The following KDM5A variants were observed in gnomAD, a reference collection of about 807,000 sequenced individuals.
The protein encoded by KDM5A is lysine demethylase 5A.
KDM5A carries 42 observed loss-of-function variants against 193.5 expected under a neutral mutation model. The observed-to-expected ratio is 0.22, with a 90% CI of 0.17 to 0.28. The LOEUF (loss-of-function observed/expected upper bound fraction) is 0.28, where lower values mean the gene tolerates loss of function less well. Among genes scored for constraint, KDM5A ranks in the 10% least tolerant of loss-of-function variants. The probability of loss-of-function intolerance (pLI) is 1.00; values close to 1 mark genes in which losing one functional copy is unlikely to be tolerated. For missense variants in KDM5A, 1,692 were observed against 2,055.1 expected (o/e 0.82, Z 3.42); for synonymous variants, 796 against 718.1 (o/e 1.11, Z -1.73).
chr12:327,842 A>C (rs555486814), intron 14 of KDM5A, among the ~76,000 whole-genome samples: 1 of 152,238 alleles, frequency 6.6e-6, no homozygotes, highest in Non-Finnish European at 1.5e-5. Context: ...GCAAGGCTCC[A>C]CCACTACGAA....
chr12:329,853 G>A (rs1943840031), intron 13 of KDM5A, among the ~76,000 whole-genome samples: 2 of 151,962 alleles, frequency 1.3e-5, no homozygotes, highest in South Asian at 4.1e-4. Context: ...TCAGGCAGAA[G>A]AACTTGGATA....
intron 1 of KDM5A, among the ~76,000 whole-genome samples, chr12:387,885 A>G (rs1356747365): frequency 6.6e-6 from 1 of 152,238 alleles, no homozygotes; most frequent in Non-Finnish European, 1.5e-5. Flanking sequence ...TTTAAAAAGC[A>G]ACACTGGTTA....
rs988512007 is a variant in KDM5A, at chr12:296,950, C to G, written c.4234+91G>C. On this transcript the variant is annotated intron_variant, in intron 25 of 27. Coordinates refer to ENST00000399788, the MANE Select transcript of KDM5A (RefSeq NM_001042603.3). ...TTTCATGGCCAACCATTGTACTCCA[C>G]TCGAAATGGAGTCACAGTCTTGATT... is the stretch of plus-strand genomic sequence containing the variant. 2.3e-6 allele frequency: 3 copies of G among 1,332,996 alleles called. No individual in the cohort carries two copies. The African/African-American group carries it at 4.3e-5, about 19-fold the overall frequency. The allele number at this position is 1,332,996 out of a possible 1,614,324, so 82.6% of individuals were successfully genotyped here. A position where few individuals can be genotyped will look rare whatever the true frequency, so the allele number is the denominator to read the frequency against.
intron 7 of KDM5A, 115 bp downstream of exon 7, chr12:355,043 A>G (rs1944214125): frequency 4.0e-6 from 3 of 744,632 alleles, no homozygotes. Flanking sequence ...ATGTGCCATC[A>G]AGTCTTCTAA....
At chr12:314,898 A>G (rs1943631869) in intron 19 of KDM5A, among the ~76,000 whole-genome samples, 1 of 152,254 alleles carries the variant, frequency 6.6e-6, no homozygotes, top group Admixed American at 6.5e-5. Flanking sequence ...CTAGATATAT[A>G]ATTAAGCAAG....
chr12:308,068 C>A, intron 22 of KDM5A, 63 bp from the exon 23 acceptor site: 1 of 1,522,690 alleles, frequency 6.6e-7, no homozygotes, highest in Non-Finnish European at 9.1e-7. Context: ...AATACCAAAT[C>A]CTCAAGGCTG....
At chr12:367,254 T>TA (rs957441024) in intron 3 of KDM5A, among the ~76,000 whole-genome samples, 3 of 151,360 alleles carry the variant, frequency 2.0e-5, no homozygotes, top group Admixed American at 6.6e-5. Flanking sequence ...TCTTACTACA[T>TA]AAAAAAAAAG....
rs147788686 is a variant in KDM5A at position 375,611 on chromosome 12, C to T, written c.366+8420G>A. ...TTCTCTGTCCAGCTTTGTTCCGTTGCTGGCGAGAAGCTGTGTTCCTTTGGC... is the reference window on the plus strand; with the variant it reads ...TTCTCTGTCCAGCTTTGTTCCGTTGTTGGCGAGAAGCTGTGTTCCTTTGGC... On this transcript the variant is annotated intron_variant, in intron 3 of 27. Coordinates refer to ENST00000399788, the MANE Select transcript of KDM5A (RefSeq NM_001042603.3). Among the ~76,000 whole-genome samples the T allele has an allele frequency of 8.9e-3, 1,351 of 152,354 alleles. 14 individuals are homozygous for T. Among genetic ancestry groups the T allele is most frequent in the African/African-American group, 0.031 (1,297 of 41,578 alleles).
In KDM5A at chr12:355,241, T is replaced by C. The variant is rs2137456555; in HGVS notation, c.787A>G (p.Thr263Ala). The change falls in exon 7 of 28, where the codon ACC becomes GCC. Residue 263 changes from threonine (T) to alanine (A), a missense_variant. This residue lies in a region of KDM5A where 134 missense variants were observed against 124.2 expected (regional missense o/e 1.08). Transcript: ENST00000399788. ...MGTKDKEDEVTRRRKVTNRSD... is the reference protein window; with the variant it reads ...MGTKDKEDEVARRRKVTNRSD... ...CTGTTGGTAACTTTTCGTCTTCGGGTGACCTCATCTTGAAATAAAAAGTTA... is the reference window on the plus strand; with the variant it reads ...CTGTTGGTAACTTTTCGTCTTCGGGCGACCTCATCTTGAAATAAAAAGTTA... 1 of 1,603,624 alleles carries C rather than the reference T, an allele frequency of 6.2e-7. No homozygotes were observed. Among genetic ancestry groups the C allele is most frequent in the Non-Finnish European group, 8.5e-7 (1 of 1,170,396 alleles).
chr12:370,714 C>T (rs1944417171), intron 3 of KDM5A, among the ~76,000 whole-genome samples: 1 of 152,138 alleles, frequency 6.6e-6, no homozygotes, highest in Non-Finnish European at 1.5e-5. Flanking sequence ...GTGCTGCACA[C>T]ATTAACTAAT....
At position 339,048 on chromosome 12, in the gene KDM5A, C is replaced by T. The variant is rs376600532; in HGVS notation, c.1309-4626G>A. On this transcript the variant is annotated intron_variant, in intron 10 of 27. Coordinates refer to ENST00000399788, the MANE Select transcript of KDM5A (RefSeq NM_001042603.3). ...ACATAAGTAGCCGGGCGTGGTGGTG[C>T]GTGCCTGTAATCCCAGCTACTCGGG... Among the ~76,000 whole-genome samples, 64 of 151,906 alleles carry T rather than the reference C, an allele frequency of 4.2e-4. No individual in the cohort carries two copies. The East Asian group carries it at 6.2e-3, about 15-fold the overall frequency.
chr12:346,206 G>T (rs577693330), intron 10 of KDM5A, among the ~76,000 whole-genome samples: 6 of 152,138 alleles, frequency 3.9e-5, no homozygotes, highest in Non-Finnish European at 7.3e-5. Context: ...ACTCTCCCAA[G>T]ACTAAACCAG....
chr12:338,551 C>T (rs1408928640), intron 10 of KDM5A, among the ~76,000 whole-genome samples: 6 of 152,152 alleles, frequency 3.9e-5, no homozygotes, highest in African/African-American at 1.2e-4. Flanking sequence ...AATTATTTCA[C>T]TGTAATAAAT....
In KDM5A at chr12:306,935, C is replaced by G. The variant is rs373475775; in HGVS notation, c.4074+11G>C. On this transcript the variant is annotated intron_variant, in intron 24 of 27. Coordinates refer to ENST00000399788, the MANE Select transcript of KDM5A (RefSeq NM_001042603.3). ...CAGGTATGTACCCACACAGCTTGTC[C>G]ATGTAACTACCTTCATGTCGTAGCC... 2 of 1,612,762 alleles carry G rather than the reference C, an allele frequency of 1.2e-6. No individual in the cohort carries two copies. Among genetic ancestry groups the G allele is most frequent in the Non-Finnish European group, 1.7e-6 (2 of 1,179,486 alleles).
chr12:333,313 T>A (rs1267794935), intron 12 of KDM5A, 174 bp downstream of exon 12: 1 of 686,080 alleles, frequency 1.5e-6, no homozygotes, highest in Admixed American at 2.2e-5. Flanking sequence ...CAGCTACTCA[T>A]TAGGCTGAGG....
intron 24 of KDM5A, among the ~76,000 whole-genome samples, chr12:304,338 C>T (rs1943478170): frequency 6.6e-6 from 1 of 151,562 alleles, no homozygotes; most frequent in African/African-American, 2.4e-5. Flanking sequence ...CAACAGAGGA[C>T]ATCACACAAA....
chr12:314,315 T>C (rs2284334), intron 19 of KDM5A, among the ~76,000 whole-genome samples: 65,709 of 151,858 alleles, frequency 0.43, 17,242 homozygotes, highest in African/African-American at 0.74. Context: ...CATGCCTCAG[T>C]CTCCCGAGTA....
At chr12:354,017 G>A (rs1944197343) in intron 8 of KDM5A, 59 bp downstream of exon 8, 2 of 1,194,152 alleles carry the variant, frequency 1.7e-6, no homozygotes, top group Middle Eastern at 1.9e-4. Flanking sequence ...ATATGTAGGT[G>A]TATATGCATG....
At chr12:298,028 A>G (rs1943395661) in intron 24 of KDM5A, among the ~76,000 whole-genome samples, 1 of 152,198 alleles carries the variant, frequency 6.6e-6, no homozygotes, top group Non-Finnish European at 1.5e-5. Context: ...TCTCTGAAAA[A>G]AAGGCAGCAG....
Sources: gnomAD v4.1 joint callset for allele counts (sites outside exome capture counted in the v4.1 genomes callset) on GRCh38, gnomAD v4.1.1 for gene constraint, gnomAD v4.1.1 regional missense constraint, MANE v1.5 for transcripts, NCBI Gene and HGNC (gene_info 2026-07-23, HGNC 2026-07-21) for gene names.